Variants in DHDH observed in about 807,000 individuals in gnomAD.
The protein encoded by DHDH is dihydrodiol dehydrogenase.
Under a neutral mutation model 33.2 loss-of-function variants are expected in DHDH, and 29 were observed. The ratio of observed to expected loss-of-function variants is 0.87; its 90% confidence interval spans 0.65 to 1.19. The LOEUF (loss-of-function observed/expected upper bound fraction) is 1.19. Ranked by LOEUF, DHDH falls within the 50% of genes most tolerant of loss-of-function variation. DHDH has a pLI of 0.00. For synonymous variants in DHDH, 201 were observed against 187.9 expected, an observed-to-expected ratio of 1.07 and a Z score of -0.57; for missense variants, 431 against 455.0, an observed-to-expected ratio of 0.95 and a Z score of 0.48.
At chr19:48,938,470 A>G (rs1226225507) in intron 3 of DHDH, among the ~76,000 whole-genome samples, 1 of 152,030 alleles carries the variant, frequency 6.6e-6, no homozygotes, top group Admixed American at 6.6e-5. Context: ...CTATGAACAA[A>G]GAGTTTTATT....
In DHDH at chr19:48,944,425, C is replaced by G; in HGVS notation, c.813C>G (p.Pro271=). 1 of 1,614,170 alleles carries G rather than the reference C, an allele frequency of 6.2e-7. No homozygotes were observed. Among genetic ancestry groups the G allele is most frequent in the Non-Finnish European group, 8.5e-7 (1 of 1,180,020 alleles). ...GGGAGCATAAGGAGTTCCCGCTGCC[C>G]CCAGTCCCAAAGGACTGCAATTTTG... is the stretch of plus-strand genomic sequence containing the variant. ...VKGEHKEFPL[P]PVPKDCNFDN... Residue 271 remains proline (P), a synonymous_variant, in exon 6 of 7, where the codon CCC becomes CCG. Coordinates refer to ENST00000221403, the MANE Select transcript of DHDH (RefSeq NM_014475.4).
upstream of DHDH, among the ~76,000 whole-genome samples, chr19:48,933,350 C>A (rs1237983949): frequency 1.3e-5 from 2 of 152,144 alleles, no homozygotes; most frequent in Admixed American, 6.6e-5. Context: ...AAAGTCAGGG[C>A]AAAGTTTTGC....
In DHDH at chr19:48,933,911, C is replaced by A. The variant is rs1003611757; in HGVS notation, c.90+100C>A. On this transcript the variant is annotated intron_variant, in intron 1 of 6. Transcript: ENST00000221403. ...TAGGGTTCAGGACTAGTGAGTGGGT[C>A]GTCATTGCAGTGAAACGTCTGTTTC... 1.2e-5 allele frequency: 13 copies of A among 1,072,720 alleles called. No individual in the cohort carries two copies. The Admixed American group carries it at 1.5e-4, about 12-fold the overall frequency. The allele number at this position is 1,072,720 out of a possible 1,614,324, so 66.5% of individuals were successfully genotyped here.
At chr19:48,937,004 A>G (rs113775233) in intron 3 of DHDH, among the ~76,000 whole-genome samples, 52,501 of 151,446 alleles carry the variant, frequency 0.35, 12,473 homozygotes, top group African/African-American at 0.67. Context: ...GGCTGGTCTC[A>G]AACTCATGAC....
intron 4 of DHDH, among the ~76,000 whole-genome samples, chr19:48,940,180 C>A (rs2037839057): frequency 6.6e-6 from 1 of 151,678 alleles, no homozygotes; most frequent in Non-Finnish European, 1.5e-5. Context: ...TATGATGAAA[C>A]CCCATCTCTA....
At chr19:48,942,842 G>A (rs2037883949) in intron 5 of DHDH, among the ~76,000 whole-genome samples, 3 of 150,452 alleles carry the variant, frequency 2.0e-5, no homozygotes, top group Admixed American at 2.0e-4. Flanking sequence ...ATCACCTGAG[G>A]TCAGGAGTTC....
Position 48,938,513 on chromosome 19 carries a change from G to T in DHDH, c.367-936G>T, listed in dbSNP as rs981681901. Among the ~76,000 whole-genome samples, 7 of 152,130 alleles carry T rather than the reference G, an allele frequency of 4.6e-5. No homozygotes were observed. In the South Asian group the frequency reaches 1.0e-3, roughly 23 times the overall value. The stretch of plus-strand genomic sequence containing the variant: ...TCTGTATCTATATGCCTCCTTTAAG[G>T]AGTTTCACTAGGAGATGCACACGTA... On this transcript the variant is annotated intron_variant, in intron 3 of 6. Transcript: ENST00000221403.
intron 5 of DHDH, 109 bp from the exon 6 acceptor site, chr19:48,944,248 C>T: frequency 2.7e-6 from 4 of 1,464,538 alleles, no homozygotes; most frequent in Non-Finnish European, 3.8e-6. Flanking sequence ...AAGCTCTTAG[C>T]CACCAGGTTC....
chr19:48,942,468 G>T lies in DHDH; in HGVS notation c.648G>T (p.Leu216=). ...TGGATGACACTGTCACGGTGCTCCT[G>T]CAGTACCCAGGGGAGGTCCATGGCA... The part of the protein sequence containing the change: ...TGVDDTVTVL[L]QYPGEVHGSF... The change falls in exon 5 of 7, where the codon CTG becomes CTT. Residue 216 remains leucine, a synonymous_variant. Transcript: ENST00000221403. The T allele has an allele frequency of 6.2e-7, 1 of 1,612,834 alleles. No homozygotes were observed. The highest frequency in any genetic ancestry group is 8.5e-7 in the Non-Finnish European group (1 of 1,179,258).
At chr19:48,936,483 T>A (rs1252372695) in intron 3 of DHDH, among the ~76,000 whole-genome samples, 15 of 151,556 alleles carry the variant, frequency 9.9e-5, no homozygotes, top group Non-Finnish European at 1.5e-4. Flanking sequence ...GAGCACGGGG[T>A]CAGGAGATCG....
Position 48,934,190 on chromosome 19 carries a change from G to A in DHDH, c.90+379G>A, listed in dbSNP as rs1474404048. 2.0e-5 allele frequency among the ~76,000 whole-genome samples: 3 copies of A among 152,176 alleles called. No individual in the cohort carries two copies. In the East Asian group the frequency reaches 5.8e-4, roughly 29 times the overall value. On this transcript the variant is annotated intron_variant, in intron 1 of 6. Coordinates refer to ENST00000221403, the MANE Select transcript of DHDH (RefSeq NM_014475.4). ...GCAGGATGTGCCTTGTTAACAATAT[G>A]TTTGCAGGCAGTATGCTTGGTAAAA...
chr19:48,933,441 C>T (rs2037729414), upstream of DHDH, among the ~76,000 whole-genome samples: 1 of 152,178 alleles, frequency 6.6e-6, no homozygotes, highest in Non-Finnish European at 1.5e-5. Context: ...CCTCCCCACG[C>T]TGTCCTTACC....
chr19:48,936,286 C>T, intron 3 of DHDH, 91 bp downstream of exon 3: 2 of 1,424,132 alleles, frequency 1.4e-6, no homozygotes, highest in Non-Finnish European at 1.8e-6. Context: ...AGTGCATTTG[C>T]CAGGATGTAT....
At chr19:48,939,380 T>G in intron 3 of DHDH, 69 bp from the exon 4 acceptor site, 1 of 1,530,114 alleles carries the variant, frequency 6.5e-7, no homozygotes, top group Admixed American at 2.0e-5. Context: ...GCAGTGGGTA[T>G]CCCCCTATGA....
At position 48,941,985 on chromosome 19, in the gene DHDH, CGTGTGTGT is replaced by C. The variant is rs60467743; in HGVS notation, c.620-419_620-412del. On this transcript the variant is annotated intron_variant, in intron 4 of 6. Coordinates refer to ENST00000221403, the MANE Select transcript of DHDH (RefSeq NM_014475.4). Reference sequence around the variant, plus strand: ...ACTGTGCACAGCCAAGACTGTACTTCGTGTGTGTGTGTGTGTGTGTGTGTGTGTGTGTG... The same window carrying C: ...ACTGTGCACAGCCAAGACTGTACTTCGTGTGTGTGTGTGTGTGTGTGTGTG... Among the ~76,000 whole-genome samples, 823 of 132,210 alleles carry C rather than the reference CGTGTGTGT, an allele frequency of 6.2e-3. 4 individuals carry two copies. The highest frequency in any genetic ancestry group is 0.011 in the Middle Eastern group (3 of 272). 86.7% of individuals were successfully genotyped at this position (132,210 alleles called of 152,430 possible).
chr19:48,944,732 G>A, intron 6 of DHDH, 92 bp from the exon 7 acceptor site: 1 of 1,296,942 alleles, frequency 7.7e-7, no homozygotes, highest in Non-Finnish European at 1.1e-6. Context: ...CCTGAACCAT[G>A]TATATTGTGC....
Position 48,933,718 on chromosome 19 carries a change from A to T in DHDH, c.-4A>T. ...GAAGGTGCCGAGGGCTCCGCATCGC[A>T]ACCATGGCGCTGCGCTGGGGCATCG... On this transcript the variant is annotated 5_prime_UTR_variant, in exon 1 of 7. Transcript: ENST00000221403. 6.2e-7 allele frequency: 1 copy of T among 1,613,202 alleles called. No homozygotes were observed. The highest frequency in any genetic ancestry group is 8.5e-7 in the Non-Finnish European group (1 of 1,179,916).
At chr19:48,944,272 C>G in intron 5 of DHDH, 85 bp from the exon 6 acceptor site, 1 of 1,585,986 alleles carries the variant, frequency 6.3e-7, no homozygotes, top group Non-Finnish European at 8.6e-7. Context: ...AGGGAGGCCC[C>G]TGTGCACCAC....
At chr19:48,943,061 A>AT (rs894153802) in intron 5 of DHDH, among the ~76,000 whole-genome samples, 3 of 147,482 alleles carry the variant, frequency 2.0e-5, no homozygotes, top group African/African-American at 7.6e-5. Flanking sequence ...ATCTCAAAAA[A>AT]AAAAATATAT....
Sources: gnomAD v4.1 joint callset for allele counts (sites outside exome capture counted in the v4.1 genomes callset) on GRCh38, gnomAD v4.1.1 for gene constraint, MANE v1.5 for transcripts, NCBI Gene and HGNC (gene_info 2026-07-23, HGNC 2026-07-21) for gene names.